ROCK2: variants seen among roughly 807,000 people sequenced by gnomAD.
The protein encoded by ROCK2 is rho-associated protein kinase 2.
ROCK2 carries 61 observed loss-of-function variants against 195.1 expected under a neutral mutation model. The ratio of observed to expected loss-of-function variants is 0.31; its 90% CI spans 0.25 to 0.39. The LOEUF is 0.39. ROCK2 is among the 10% of genes least tolerant of loss of function. ROCK2 has a pLI of 1.00. For synonymous variants in ROCK2, 504 were observed against 545.5 expected (o/e 0.92, Z 1.06); for missense variants, 1,109 against 1,637.4 (o/e 0.68, Z 5.57).
At chr2:11,286,349 G>A (rs1667189174) in intron 3 of ROCK2, among the ~76,000 whole-genome samples, 190 bp downstream of exon 3, 1 of 151,248 alleles carries the variant, frequency 6.6e-6, no homozygotes, top group Admixed American at 6.6e-5. Context: ...TCTACAATGT[G>A]TTTCAGAGCT....
intron 12 of ROCK2, among the ~76,000 whole-genome samples, chr2:11,216,563 T>C (rs1664436792): frequency 6.6e-6 from 1 of 150,612 alleles, no homozygotes; most frequent in Non-Finnish European, 1.5e-5. Context: ...CAGGCTGGAG[T>C]GCAGTGGCGC....
chr2:11,239,724 C>G (rs1173150141), intron 4 of ROCK2, among the ~76,000 whole-genome samples: 13 of 152,160 alleles, frequency 8.5e-5, no homozygotes, highest in Admixed American at 8.5e-4. Flanking sequence ...CTGACATTAA[C>G]CAACAAGGCT....
chr2:11,337,264 C>CA (rs1668958531), intron 1 of ROCK2, among the ~76,000 whole-genome samples: 1 of 149,356 alleles, frequency 6.7e-6, no homozygotes, highest in Non-Finnish European at 1.5e-5. Flanking sequence ...AAAAAAGAGA[C>CA]AGAGAGAGAG....
intron 32 of ROCK2, among the ~76,000 whole-genome samples, chr2:11,184,992 G>A: frequency 6.6e-6 from 1 of 152,124 alleles, no homozygotes; most frequent in East Asian, 1.9e-4. Context: ...CCAGATATTT[G>A]AAGACAGCGA....
chr2:11,308,548 T>C (rs1667935389), intron 1 of ROCK2: 9 of 1,537,720 alleles, frequency 5.9e-6, no homozygotes, highest in Non-Finnish European at 8.1e-6. Flanking sequence ...TTGAGAAAAC[T>C]GGTTTGAAAG....
In ROCK2 at chr2:11,193,784, A is replaced by G. The variant is rs1181374829; in HGVS notation, c.3682T>C (p.Phe1228Leu). The change falls in exon 30 of 33, where the codon TTC (phenylalanine) becomes CTC (leucine). Residue 1228 changes from phenylalanine to leucine, a missense_variant. Phe to Leu is a conservative substitution (Grantham distance 22). Transcript: ENST00000315872. ...RADAKEIPRI[F>L]QILYANEGES... ...ATAAACAAAACTATGTTTACCTGGA[A>G]TATCCTTGGAATTTCTTTAGCATCT... 1 of 1,578,916 alleles carries G rather than the reference A, an allele frequency of 6.3e-7. No individual in the cohort carries two copies. The highest frequency in any genetic ancestry group is 1.8e-5 in the Admixed American group (1 of 56,774).
intron 1 of ROCK2, among the ~76,000 whole-genome samples, chr2:11,303,603 C>A (rs1165919787): frequency 6.6e-6 from 1 of 152,148 alleles, no homozygotes; most frequent in Non-Finnish European, 1.5e-5. Context: ...GTTGTTATTT[C>A]TCTTACCCTT....
rs557066858 is a variant in ROCK2 at position 11,180,696 on chromosome 2, A to G, written c.*2741T>C. On this transcript the variant is annotated 3_prime_UTR_variant, in exon 33 of 33. Transcript: ENST00000315872. Reference sequence around the variant, plus strand: ...TCTAGGAGAAATCAGGTGTGAAGGAACAAGCAAATTTTAGTCTTATATTTA... The same window carrying G: ...TCTAGGAGAAATCAGGTGTGAAGGAGCAAGCAAATTTTAGTCTTATATTTA... 40 of 152,308 alleles carry G rather than the reference A, an allele frequency of 2.6e-4. No homozygotes were observed. Among genetic ancestry groups the G allele is most frequent in the Non-Finnish European group, 5.0e-4 (34 of 68,020 alleles). 9.4% of individuals were successfully genotyped at this position (152,308 alleles called of 1,614,324 possible). A position where few individuals can be genotyped will look rare whatever the true frequency, so the allele number is the denominator to read the frequency against.
rs971186894 is a variant in ROCK2 at position 11,180,909 on chromosome 2, A to G, written c.*2528T>C. 1.3e-5 allele frequency: 2 copies of G among 152,170 alleles called. No homozygotes were observed. The highest frequency in any genetic ancestry group is 4.8e-5 in the African/African-American group (2 of 41,436). The allele number at this position is 152,170 out of a possible 1,614,324, so 9.4% of individuals were successfully genotyped here. On this transcript the variant is annotated 3_prime_UTR_variant, in exon 33 of 33. Coordinates refer to ENST00000315872, the MANE Select transcript of ROCK2 (RefSeq NM_004850.5). ...AGAATTTTTTATTAAGCGCATTTTC[A>G]TTAGTTGGACAAACAACCTTATAAA...
chr2:11,291,594 C>CA (rs1227140391), intron 1 of ROCK2, among the ~76,000 whole-genome samples: 5 of 151,678 alleles, frequency 3.3e-5, no homozygotes, highest in Admixed American at 1.3e-4. Context: ...TAAAATGCTT[C>CA]AAAAAAATAA....
intron 1 of ROCK2, among the ~76,000 whole-genome samples, chr2:11,325,907 A>C (rs1351562747): frequency 2.6e-5 from 4 of 152,206 alleles, no homozygotes; most frequent in African/African-American, 9.7e-5. Flanking sequence ...AACGCTGATA[A>C]GATCTGGGAA....
At chr2:11,238,209 AGT>A (rs6146630) in intron 4 of ROCK2, among the ~76,000 whole-genome samples, 267 of 135,356 alleles carry the variant, frequency 2.0e-3, no homozygotes, top group Non-Finnish European at 1.6e-3. Context: ...ATTGAGAAAG[AGT>A]GTGTGTGTGT....
chr2:11,219,120 C>T (rs76797513), intron 9 of ROCK2, 94 bp from the exon 10 acceptor site: 13,223 of 598,282 alleles, frequency 0.022, 244 homozygotes, highest in East Asian at 0.064. Flanking sequence ...ATATCAAACA[C>T]AGATTTCTCT....
chr2:11,187,427 A>G (rs772966326), intron 32 of ROCK2, among the ~76,000 whole-genome samples: 3 of 152,154 alleles, frequency 2.0e-5, no homozygotes, highest in Non-Finnish European at 4.4e-5. Flanking sequence ...AAAAAATTGT[A>G]TGTGTACGGT....
At chr2:11,334,584 C>T (rs907642542) in intron 1 of ROCK2, among the ~76,000 whole-genome samples, 1 of 151,068 alleles carries the variant, frequency 6.6e-6, no homozygotes, top group Admixed American at 6.6e-5. Context: ...ATAAAAGACT[C>T]GTACTAAAAG....
chr2:11,268,057 A>G (rs1243766117), intron 3 of ROCK2, among the ~76,000 whole-genome samples: 2 of 152,212 alleles, frequency 1.3e-5, no homozygotes, highest in East Asian at 3.9e-4. Context: ...CTGAAAAACC[A>G]ACAGTGCTTC....
In ROCK2 at chr2:11,217,169, T is replaced by C; in HGVS notation, c.1333A>G (p.Ile445Val). The C allele has an allele frequency of 1.3e-6, 2 of 1,503,252 alleles. No individual in the cohort carries two copies. The highest frequency in any genetic ancestry group is 1.8e-6 in the Non-Finnish European group (2 of 1,084,294). The allele number at this position is 1,503,252 out of a possible 1,614,324, so 93.1% of individuals were successfully genotyped here. ...QSRKNEESQE[I>V]QKKLYTLEEH... Reference sequence around the variant, plus strand: ...TCTAATGTATACAGTTTTTTCTGAATCTGTCAAAAAACAAGAAACTGTAAT... The same window carrying C: ...TCTAATGTATACAGTTTTTTCTGAACCTGTCAAAAAACAAGAAACTGTAAT... Residue 445 changes from isoleucine to valine, a missense_variant and splice_region_variant, in exon 12 of 33, where the codon ATT (isoleucine) becomes GTT (valine). Physicochemically the swap from Ile to Val is conservative, Grantham distance 29. Around this residue, in one of 6 missense-constraint regions of ROCK2, gnomAD observed 542 missense variants for 672.0 expected, o/e 0.81. Transcript: ENST00000315872.
At chr2:11,203,214 CAT>C (rs1663927329) in intron 20 of ROCK2, among the ~76,000 whole-genome samples, 1 of 152,048 alleles carries the variant, frequency 6.6e-6, no homozygotes, top group Admixed American at 6.5e-5. Flanking sequence ...ATTTTAAAAA[CAT>C]AAAAATTATA....
intron 3 of ROCK2, among the ~76,000 whole-genome samples, chr2:11,262,202 G>C (rs1217676761): frequency 6.6e-6 from 1 of 151,954 alleles, no homozygotes; most frequent in East Asian, 1.9e-4. Flanking sequence ...AATTTTAAAA[G>C]TGGATGAGTG....
Sources: gnomAD v4.1 joint callset for allele counts (sites outside exome capture counted in the v4.1 genomes callset) on GRCh38, gnomAD v4.1.1 for gene constraint, gnomAD v4.1.1 regional missense constraint, MANE v1.5 for transcripts, NCBI Gene and HGNC (gene_info 2026-07-23, HGNC 2026-07-21) for gene names.